The following DLAT variants were observed in gnomAD, a reference collection of about 807,000 sequenced individuals.
DLAT encodes dihydrolipoamide S-acetyltransferase, also known as dihydrolipoyllysine-residue acetyltransferase component of pyruvate dehydrogenase complex, mitochondrial.
In DLAT, 43 loss-of-function variants were observed where a neutral mutation model predicts 68.0. The ratio of observed to expected loss-of-function variants is 0.63; its 90% CI spans 0.50 to 0.81. The LOEUF (loss-of-function observed/expected upper bound fraction) is 0.81. Ranked by LOEUF, DLAT falls within the 40% of genes least tolerant of loss-of-function variation. The pLI is 0.00. For missense variants in DLAT, 745 were observed against 815.4 expected (o/e 0.91, Z 1.05); for synonymous variants, 265 against 288.6 (o/e 0.92, Z 0.83).
chr11:112,037,205 C>T lies in DLAT; in HGVS notation c.788-68C>T, dbSNP rs1862820236. ...ATGAGAAAAATCACTTTACTTAAAACTGTGCTGTGAGTTTGGAGGGATAGT... is the reference window on the plus strand; with the variant it reads ...ATGAGAAAAATCACTTTACTTAAAATTGTGCTGTGAGTTTGGAGGGATAGT... On this transcript the variant is annotated intron_variant, in intron 5 of 13. Transcript: ENST00000280346. The T allele has an allele frequency of 3.4e-6, 5 of 1,456,288 alleles. No individual in the cohort carries two copies. In the East Asian group the frequency reaches 1.1e-4, roughly 33 times the overall value. 90.2% of individuals were successfully genotyped at this position (1,456,288 alleles called of 1,614,324 possible).
chr11:112,035,739 GT>G (rs11298361), intron 5 of DLAT, among the ~76,000 whole-genome samples: 148,168 of 148,174 alleles, frequency 1, 74,081 homozygotes, highest in Middle Eastern at 1. Flanking sequence ...TGACTGCCTT[GT>G]GCCTCCCAAA....
At chr11:112,054,487 G>C (rs1043551057) in intron 11 of DLAT, among the ~76,000 whole-genome samples, 12 of 152,096 alleles carry the variant, frequency 7.9e-5, no homozygotes, top group Admixed American at 7.2e-4. Context: ...AATTGCTTTA[G>C]GGAAGGCTAG....
At chr11:112,050,092 T>C (rs1164892218) in intron 10 of DLAT, among the ~76,000 whole-genome samples, 1 of 152,232 alleles carries the variant, frequency 6.6e-6, no homozygotes, top group Non-Finnish European at 1.5e-5. Context: ...GGTATTGAAT[T>C]TTATCAAATG....
chr11:112,051,179 A>T lies in DLAT; in HGVS notation c.1399-55A>T. On this transcript the variant is annotated intron_variant, in intron 10 of 13. Coordinates refer to ENST00000280346, the MANE Select transcript of DLAT (RefSeq NM_001931.5). The surrounding 1 kb of genome is among the most constrained non-coding windows in gnomAD (Gnocchi z 4.3). ...ATTCTGCACATGCACCCTGAAACTT[A>T]AAATTAAAATTAAAATTAAAAAAGA... is the stretch of plus-strand genomic sequence containing the variant. 8.0e-7 allele frequency: 1 copy of T among 1,248,716 alleles called. No homozygotes were observed. The highest frequency in any genetic ancestry group is 1.1e-6 in the Non-Finnish European group (1 of 878,292). The allele number at this position is 1,248,716 out of a possible 1,614,324, so 77.4% of individuals were successfully genotyped here.
At chr11:112,037,758 T>G (rs1862849841) in intron 6 of DLAT, among the ~76,000 whole-genome samples, 1 of 145,736 alleles carries the variant, frequency 6.9e-6, no homozygotes, top group Admixed American at 7.2e-5. Flanking sequence ...TTGTGGAAAG[T>G]AAGGCTTCAT....
At position 112,064,329 on chromosome 11, in the gene DLAT, A is replaced by G; in HGVS notation, c.*1794A>G. On this transcript the variant is annotated 3_prime_UTR_variant, in exon 14 of 14. Coordinates refer to ENST00000280346, the MANE Select transcript of DLAT (RefSeq NM_001931.5). ...AGTCTCTTACCAGAACTGAAAGAAA[A>G]AAGTTAGAAATAGTGTTTTTGGTTC... The G allele has an allele frequency of 1.1e-6, 1 of 933,542 alleles. No individual in the cohort carries two copies. The highest frequency in any genetic ancestry group is 1.5e-6 in the Non-Finnish European group (1 of 661,500). 57.8% of individuals were successfully genotyped at this position (933,542 alleles called of 1,614,324 possible).
chr11:112,037,623 T>A (rs782142832), intron 6 of DLAT, among the ~76,000 whole-genome samples, 163 bp downstream of exon 6: 4 of 152,214 alleles, frequency 2.6e-5, no homozygotes, highest in Admixed American at 1.3e-4. Flanking sequence ...TTTGTTGTAC[T>A]GCACTGTTCA....
chr11:112,047,767 A>G (rs1425569377), intron 10 of DLAT, among the ~76,000 whole-genome samples: 1 of 152,134 alleles, frequency 6.6e-6, no homozygotes, highest in Non-Finnish European at 1.5e-5. Flanking sequence ...CAAAAATCAG[A>G]TGGTTGTAAA....
At position 112,059,278 on chromosome 11, in the gene DLAT, C is replaced by T. The variant is rs138208156; in HGVS notation, c.1515-625C>T. ...TTTTCTTTCAGCTGCATTCACGTGT[C>T]GGTCAAGGCAGACGGCAGGGGATGT... On this transcript the variant is annotated intron_variant, in intron 11 of 13. Transcript: ENST00000280346. Among the ~76,000 whole-genome samples the T allele has an allele frequency of 3.1e-3, 470 of 151,754 alleles. 4 individuals carry two copies. The highest frequency in any genetic ancestry group is 0.01 in the African/African-American group (423 of 41,380).
intron 13 of DLAT, 111 bp from the exon 14 acceptor site, chr11:112,062,294 AG>A: frequency 1.8e-6 from 2 of 1,112,678 alleles, no homozygotes; most frequent in Non-Finnish European, 2.7e-6. Context: ...AAGAGTAGAT[AG>A]GAAGTATTAC....
At chr11:112,053,017 C>T (rs1592708624) in intron 11 of DLAT, among the ~76,000 whole-genome samples, 1 of 152,116 alleles carries the variant, frequency 6.6e-6, no homozygotes, top group South Asian at 2.1e-4. Context: ...ATATATTATA[C>T]CACACTTACT....
At chr11:112,046,582 AT>A (rs2137798386) in intron 10 of DLAT, among the ~76,000 whole-genome samples, 1 of 152,166 alleles carries the variant, frequency 6.6e-6, no homozygotes, top group African/African-American at 2.4e-5. Context: ...CATCATCTAC[AT>A]TAGGTATTTC....
chr11:112,062,464 G>A lies in DLAT; in HGVS notation c.1873G>A (p.Gly625Arg). The A allele has an allele frequency of 6.2e-7, 1 of 1,612,732 alleles. No homozygotes were observed. Among genetic ancestry groups the A allele is most frequent in the Non-Finnish European group, 8.5e-7 (1 of 1,179,980 alleles). Residue 625 changes from glycine (G) to arginine (R), a missense_variant, in exon 14 of 14, where the codon GGA becomes AGA. Physicochemically the swap from Gly to Arg is moderately radical, Grantham distance 125. Transcript: ENST00000280346. ...CAGTTGTGATCACCGGGTGGTGGAT[G>A]GAGCAGTTGGAGCCCAGTGGCTTGC... Reference protein sequence around the residue: ...TLSCDHRVVDGAVGAQWLAEF... With the variant: ...TLSCDHRVVDRAVGAQWLAEF...
chr11:112,028,867 A>G lies in DLAT; in HGVS notation c.582A>G (p.Ala194=). 1 of 1,614,204 alleles carries G rather than the reference A, an allele frequency of 6.2e-7. No homozygotes were observed. Among genetic ancestry groups the G allele is most frequent in the Non-Finnish European group, 8.5e-7 (1 of 1,180,038 alleles). ...CACCTACCCCACAAGCGGCCCCAGC[A>G]CCAACCCCTGCTGCCACTGCTTCGC... ...SAAPTPQAAP[A]PTPAATASPP... is the part of the protein sequence containing the mutation. The change falls in exon 4 of 14, where the codon GCA becomes GCG. Residue 194 remains alanine (A), a synonymous_variant. Coordinates refer to ENST00000280346, the MANE Select transcript of DLAT (RefSeq NM_001931.5).
At chr11:112,045,725 C>T (rs1555181415) in intron 9 of DLAT, 138 bp from the exon 10 acceptor site, 3 of 621,450 alleles carry the variant, frequency 4.8e-6, no homozygotes, top group African/African-American at 3.7e-5. Flanking sequence ...TATATTATGG[C>T]GGAGTCCTCC....
At chr11:112,059,242 G>C (rs981160736) in intron 11 of DLAT, among the ~76,000 whole-genome samples, 1 of 152,166 alleles carries the variant, frequency 6.6e-6, no homozygotes, top group East Asian at 1.9e-4. Context: ...AAGGAGTTCT[G>C]ATTGGTGGGG....
chr11:112,051,399 A>T lies in DLAT; in HGVS notation c.1514+50A>T. Reference sequence around the variant, plus strand: ...TATCCATCGGTAGTTTTCTTGTATTATTTAATGTGTGAGTGGAGTTGAGGG... The same window carrying T: ...TATCCATCGGTAGTTTTCTTGTATTTTTTAATGTGTGAGTGGAGTTGAGGG... On this transcript the variant is annotated intron_variant, in intron 11 of 13. Transcript: ENST00000280346. This position sits in a 1 kb window ranked among gnomAD's most constrained non-coding sequence, Gnocchi z 4.3. The T allele has an allele frequency of 7.3e-6, 10 of 1,363,144 alleles. No homozygotes were observed. Among genetic ancestry groups the T allele is most frequent in the Non-Finnish European group, 1.0e-5 (10 of 954,856 alleles). 84.4% of individuals were successfully genotyped at this position (1,363,144 alleles called of 1,614,324 possible).
intron 11 of DLAT, among the ~76,000 whole-genome samples, chr11:112,055,371 G>A (rs1863954848): frequency 6.6e-6 from 1 of 150,880 alleles, no homozygotes; most frequent in African/African-American, 2.4e-5. Flanking sequence ...AGCCTCCCGA[G>A]TAGCTGGGAC....
At chr11:112,038,323 C>T (rs1356673814) in intron 6 of DLAT, among the ~76,000 whole-genome samples, 1 of 151,782 alleles carries the variant, frequency 6.6e-6, no homozygotes, top group Admixed American at 6.6e-5. Flanking sequence ...CTCGACCTCC[C>T]GAGTAGCTGG....
Sources: gnomAD v4.1 joint callset for allele counts (sites outside exome capture counted in the v4.1 genomes callset) on GRCh38, gnomAD v4.1.1 for gene constraint, Gnocchi (gnomAD v3.1) non-coding constraint, MANE v1.5 for transcripts, NCBI Gene and HGNC (gene_info 2026-07-23, HGNC 2026-07-21) for gene names.